LYRM7: variants seen among roughly 807,000 people sequenced by gnomAD.
The protein encoded by LYRM7 is LYR motif containing 7.
In LYRM7, 9 loss-of-function variants were observed where a neutral mutation model predicts 15.8. The observed-to-expected ratio is 0.57, with a 90% CI of 0.34 to 0.99. The LOEUF is 0.99. Among genes scored for constraint, LYRM7 ranks in the 50% least tolerant of loss-of-function variants. The pLI, the probability that LYRM7 is intolerant of heterozygous loss-of-function variation, is 0.02. For synonymous variants in LYRM7, 39 were observed against 39.4 expected, an observed-to-expected ratio of 0.99 and a Z score of 0.04; for missense variants, 115 against 119.1, an observed-to-expected ratio of 0.97 and a Z score of 0.16.
intron 3 of LYRM7, among the ~76,000 whole-genome samples, chr5:131,184,042 G>T (rs913305254): frequency 1.3e-5 from 2 of 151,598 alleles, no homozygotes; most frequent in Non-Finnish European, 2.9e-5. Flanking sequence ...ATGATCCCAG[G>T]TCACTGCAAC....
intron 4 of LYRM7, among the ~76,000 whole-genome samples, chr5:131,192,030 C>CAT (rs1317778541): frequency 2.1e-5 from 2 of 96,012 alleles, no homozygotes; most frequent in South Asian, 3.3e-4. Context: ...AAATGTGGTG[C>CAT]ATACACACAC....
intron 4 of LYRM7, among the ~76,000 whole-genome samples, chr5:131,193,635 T>C (rs529716121): frequency 2.6e-4 from 40 of 152,362 alleles, no homozygotes; most frequent in African/African-American, 9.6e-4. Flanking sequence ...TAAACTATGC[T>C]ATCCATAATA....
chr5:131,199,690 G>A lies in LYRM7; in HGVS notation c.*89G>A, dbSNP rs189827051. The A allele has an allele frequency of 3.9e-5, 31 of 798,734 alleles. No individual in the cohort carries two copies. In the Admixed American group the frequency reaches 7.1e-4, roughly 18 times the overall value. The allele number at this position is 798,734 out of a possible 1,614,324, so 49.5% of individuals were successfully genotyped here. A position where few individuals can be genotyped will look rare whatever the true frequency, so the allele number is the denominator to read the frequency against. ...TCCTGGAAATGCAGACATTTTCCCT[G>A]AACTGGCATATTGAAAATGAATGAA... On this transcript the variant is annotated 3_prime_UTR_variant, in exon 5 of 5. Transcript: ENST00000379380.
intron 4 of LYRM7, among the ~76,000 whole-genome samples, chr5:131,193,340 C>T (rs1755914198): frequency 6.6e-6 from 1 of 152,142 alleles, no homozygotes; most frequent in Non-Finnish European, 1.5e-5. Flanking sequence ...GTGTAAAAGA[C>T]AGGCAATTAA....
At chr5:131,175,029 A>G (rs1186418321) in intron 1 of LYRM7, among the ~76,000 whole-genome samples, 1 of 151,712 alleles carries the variant, frequency 6.6e-6, no homozygotes, top group Non-Finnish European at 1.5e-5. Context: ...TTTTTTTCTG[A>G]GCAGATCTCA....
intron 4 of LYRM7, among the ~76,000 whole-genome samples, chr5:131,190,656 A>C (rs78148115): frequency 6.6e-6 from 1 of 151,440 alleles, no homozygotes; most frequent in African/African-American, 2.4e-5. Flanking sequence ...ACGCCCAGCT[A>C]ATTTTTGTAT....
chr5:131,176,928 C>T (rs1222579748), intron 1 of LYRM7, among the ~76,000 whole-genome samples: 1 of 152,122 alleles, frequency 6.6e-6, no homozygotes, highest in Non-Finnish European at 1.5e-5. Flanking sequence ...ATATACACCA[C>T]ATTTTCTCAT....
chr5:131,174,493 A>G (rs1755567348), intron 1 of LYRM7, among the ~76,000 whole-genome samples: 1 of 152,162 alleles, frequency 6.6e-6, no homozygotes, highest in African/African-American at 2.4e-5. Context: ...GAGGTTTTCA[A>G]TTTACTTTGC....
chr5:131,180,935 G>C (rs925457086), intron 2 of LYRM7, among the ~76,000 whole-genome samples: 1 of 151,828 alleles, frequency 6.6e-6, no homozygotes, highest in Admixed American at 6.6e-5. Flanking sequence ...GGTGGACCTG[G>C]GATTTAGTCT....
intron 2 of LYRM7, among the ~76,000 whole-genome samples, chr5:131,181,316 T>TATATATATATATATATATAC (rs1208669077): frequency 0.033 from 894 of 27,336 alleles, 96 homozygotes; most frequent in Non-Finnish European, 0.056. Flanking sequence ...TATATATATA[T>TATATATATATATATATATAC]ACACACACAC....
At chr5:131,191,677 T>C (rs1489686460) in intron 4 of LYRM7, among the ~76,000 whole-genome samples, 1 of 151,824 alleles carries the variant, frequency 6.6e-6, no homozygotes, top group Non-Finnish European at 1.5e-5. Context: ...GAAATGAAAA[T>C]TAAAACCACA....
chr5:131,179,089 T>C (rs1427138096), intron 1 of LYRM7, among the ~76,000 whole-genome samples: 3 of 152,134 alleles, frequency 2.0e-5, no homozygotes, highest in Non-Finnish European at 2.9e-5. Flanking sequence ...GTGTATGATA[T>C]TGAGCAGATT....
At chr5:131,182,841 T>A (rs1755735742) in intron 3 of LYRM7, among the ~76,000 whole-genome samples, 1 of 152,164 alleles carries the variant, frequency 6.6e-6, no homozygotes, top group Admixed American at 6.5e-5. Flanking sequence ...TTGAAAAAAA[T>A]GCACAATTTT....
At chr5:131,182,802 A>G (rs555523318) in intron 3 of LYRM7, among the ~76,000 whole-genome samples, 1 of 152,272 alleles carries the variant, frequency 6.6e-6, no homozygotes, top group East Asian at 1.9e-4. Context: ...CTACTTTCTC[A>G]GCTCCCTAAT....
intron 4 of LYRM7, 141 bp downstream of exon 4, chr5:131,187,250 T>C: frequency 2.0e-6 from 1 of 508,378 alleles, no homozygotes; most frequent in Admixed American, 3.8e-5. Flanking sequence ...TTTTACAAGG[T>C]TATAGTCTAT....
At chr5:131,178,506 C>G (rs1375043339) in intron 1 of LYRM7, among the ~76,000 whole-genome samples, 1 of 152,062 alleles carries the variant, frequency 6.6e-6, no homozygotes, top group Non-Finnish European at 1.5e-5. Context: ...TATTGAGTAC[C>G]TTTTTGGACT....
At chr5:131,171,241 G>A (rs956910920) in intron 1 of LYRM7, among the ~76,000 whole-genome samples, 1 of 152,146 alleles carries the variant, frequency 6.6e-6, no homozygotes, top group Non-Finnish European at 1.5e-5. Flanking sequence ...GGAGGCACCA[G>A]TGTGGTTCCT....
chr5:131,191,821 A>G (rs927059450), intron 4 of LYRM7, among the ~76,000 whole-genome samples: 1 of 152,142 alleles, frequency 6.6e-6, no homozygotes, highest in Non-Finnish European at 1.5e-5. Context: ...TAGCCATTAT[A>G]GAAAACAGTA....
chr5:131,186,928 T>G, intron 3 of LYRM7, 100 bp from the exon 4 acceptor site: 1 of 685,418 alleles, frequency 1.5e-6, no homozygotes, highest in East Asian at 2.9e-5. Flanking sequence ...ACTACTGTAT[T>G]ACTTGAAAAG....
Sources: gnomAD v4.1 joint callset for allele counts (sites outside exome capture counted in the v4.1 genomes callset) on GRCh38, gnomAD v4.1.1 for gene constraint, MANE v1.5 for transcripts, NCBI Gene and HGNC (gene_info 2026-07-23, HGNC 2026-07-21) for gene names.